The following LONP2 variants were observed in gnomAD, a reference collection of about 807,000 sequenced individuals.
LONP2 encodes lon protease homolog 2, peroxisomal.
A neutral mutation model predicts 85.6 loss-of-function variants in LONP2; 60 were observed. The observed-to-expected ratio is 0.70, with a 90% CI of 0.57 to 0.87. LONP2 has a LOEUF of 0.87. LONP2 is among the 40% of genes least tolerant of loss of function. The probability of loss-of-function intolerance (pLI) is 0.00; values close to 1 mark genes in which losing one functional copy is unlikely to be tolerated. For synonymous variants in LONP2, 395 were observed against 389.7 expected (o/e 1.01, Z -0.16); for missense variants, 860 against 1,063.5 (o/e 0.81, Z 2.66).
intron 6 of LONP2, among the ~76,000 whole-genome samples, chr16:48,269,621 C>T (rs937200053): frequency 2.0e-5 from 3 of 152,028 alleles, no homozygotes; most frequent in African/African-American, 7.3e-5. Context: ...CTGTTTTCTT[C>T]TTTTCTGTTA....
intron 11 of LONP2, among the ~76,000 whole-genome samples, chr16:48,311,235 C>T (rs564417408): frequency 2.8e-4 from 43 of 152,220 alleles, no homozygotes; most frequent in African/African-American, 1.0e-3. Flanking sequence ...ATTATTTTCT[C>T]AAATAGGTTT....
At chr16:48,336,565 G>A (rs1959656093) in intron 12 of LONP2, 2 of 395,314 alleles carry the variant, frequency 5.1e-6, no homozygotes, top group East Asian at 7.4e-5. Flanking sequence ...TAGGATTTGG[G>A]TGGGTAGTGG....
At chr16:48,349,664 G>A (rs1960079403) in intron 14 of LONP2, among the ~76,000 whole-genome samples, 1 of 152,154 alleles carries the variant, frequency 6.6e-6, no homozygotes, top group African/African-American at 2.4e-5. Context: ...GAGAACAGAG[G>A]ACAAGACGGG....
In LONP2 at chr16:48,247,194, T is replaced by C. The variant is rs188406906; in HGVS notation, c.233+2573T>C. On this transcript the variant is annotated intron_variant, in intron 1 of 14. Transcript: ENST00000285737. ...GTTTCCAATGTCTTTTTTTCTCTAA[T>C]AGGGCCTTTAAAACACTCTACTTAA... 4.6e-5 allele frequency: 7 copies of C among 151,752 alleles called. No individual in the cohort carries two copies. The East Asian group carries it at 1.4e-3, about 29-fold the overall frequency. The allele number at this position is 151,752 out of a possible 1,614,324, so 9.4% of individuals were successfully genotyped here.
At chr16:48,271,945 C>T (rs1463288378) in intron 7 of LONP2, among the ~76,000 whole-genome samples, 1 of 152,098 alleles carries the variant, frequency 6.6e-6, no homozygotes, top group Non-Finnish European at 1.5e-5. Flanking sequence ...AAAGAAGCTG[C>T]GTCTAGGGCC....
chr16:48,328,695 A>T (rs1481547716), intron 11 of LONP2, among the ~76,000 whole-genome samples: 3 of 149,820 alleles, frequency 2.0e-5, no homozygotes, highest in Non-Finnish European at 4.5e-5. Context: ...AAAAAAAAAA[A>T]TTGGCCAGGT....
chr16:48,289,595 C>T (rs887639670), intron 8 of LONP2, among the ~76,000 whole-genome samples: 2 of 152,104 alleles, frequency 1.3e-5, no homozygotes, highest in Non-Finnish European at 2.9e-5. Flanking sequence ...TTTCACAGCA[C>T]ACATGGACAG....
chr16:48,360,252 T>G (rs768176940), downstream of LONP2, among the ~76,000 whole-genome samples: 1 of 128,270 alleles, frequency 7.8e-6, no homozygotes, highest in Non-Finnish European at 1.8e-5. Flanking sequence ...AATAGTGAAT[T>G]TATTATATCA....
chr16:48,265,117 C>T (rs1191119183), intron 6 of LONP2, among the ~76,000 whole-genome samples: 1 of 152,130 alleles, frequency 6.6e-6, no homozygotes, highest in East Asian at 1.9e-4. Context: ...TGGATATTAA[C>T]CCCTTATCAG....
At chr16:48,265,891 A>G (rs1004851128) in intron 6 of LONP2, among the ~76,000 whole-genome samples, 1 of 152,118 alleles carries the variant, frequency 6.6e-6, no homozygotes, top group African/African-American at 2.4e-5. Context: ...TTATTTCATC[A>G]GTGTTTTATA....
At chr16:48,358,883 C>T (rs1329367733), downstream of LONP2, among the ~76,000 whole-genome samples, 1 of 152,166 alleles carries the variant, frequency 6.6e-6, no homozygotes, top group African/African-American at 2.4e-5. Context: ...GATTACACAT[C>T]TCAATTGTAT....
intron 11 of LONP2, among the ~76,000 whole-genome samples, chr16:48,313,718 C>T (rs1256108797): frequency 1.3e-5 from 2 of 152,110 alleles, no homozygotes; most frequent in Admixed American, 6.5e-5. Context: ...TTTCTTTATC[C>T]AGTCTGTCAT....
chr16:48,333,005 T>TA (rs1242601217), intron 11 of LONP2, among the ~76,000 whole-genome samples: 5 of 152,124 alleles, frequency 3.3e-5, no homozygotes, highest in African/African-American at 7.2e-5. Context: ...AATAGTGTGT[T>TA]AAAAAAAGGT....
At chr16:48,321,268 T>TA (rs1191447693) in intron 11 of LONP2, among the ~76,000 whole-genome samples, 4 of 152,070 alleles carry the variant, frequency 2.6e-5, no homozygotes, top group South Asian at 2.1e-4. Flanking sequence ...TTAATGGTTT[T>TA]AAAAAAAATA....
intron 11 of LONP2, among the ~76,000 whole-genome samples, chr16:48,318,146 T>C (rs1973184867): frequency 6.6e-6 from 1 of 151,922 alleles, no homozygotes; most frequent in Admixed American, 6.6e-5. Context: ...GCTTCCTGTT[T>C]TGGTTGAGGA....
chr16:48,284,417 A>G (rs771043009), intron 8 of LONP2, among the ~76,000 whole-genome samples: 1 of 152,178 alleles, frequency 6.6e-6, no homozygotes, highest in African/African-American at 2.4e-5. Flanking sequence ...TCAATAGATG[A>G]AGCAAATTTT....
downstream of LONP2, among the ~76,000 whole-genome samples, chr16:48,359,951 G>A (rs1316801592): frequency 6.6e-6 from 1 of 152,202 alleles, no homozygotes; most frequent in Non-Finnish European, 1.5e-5. Context: ...GGCAATTTCA[G>A]AATCTTGCCA....
intron 11 of LONP2, among the ~76,000 whole-genome samples, chr16:48,329,302 C>T (rs1173795457): frequency 1.3e-5 from 2 of 152,132 alleles, no homozygotes; most frequent in Non-Finnish European, 2.9e-5. Context: ...GATGAAATGT[C>T]GAGCCATCCT....
At chr16:48,332,261 T>C (rs1162359321) in intron 11 of LONP2, among the ~76,000 whole-genome samples, 1 of 152,182 alleles carries the variant, frequency 6.6e-6, no homozygotes, top group Admixed American at 6.5e-5. Context: ...GGAAGAACCA[T>C]AGCGAAACTA....
Sources: allele counts gnomAD v4.1 joint callset (sites outside exome capture counted in the v4.1 genomes callset), GRCh38; gene constraint gnomAD v4.1.1; transcripts MANE v1.5; gene names NCBI Gene and HGNC (gene_info 2026-07-23, HGNC 2026-07-21).